The following PHF3 variants were observed in gnomAD, a reference collection of about 807,000 sequenced individuals.
The protein encoded by PHF3 is PHD finger protein 3.
PHF3 carries 41 observed loss-of-function variants against 178.4 expected under a neutral mutation model. The observed-to-expected ratio is 0.23, with a 90% CI of 0.18 to 0.30. PHF3 has a LOEUF of 0.30. PHF3 is among the 10% of genes least tolerant of loss of function. The pLI is 1.00. For synonymous variants in PHF3, 842 were observed against 800.5 expected, an observed-to-expected ratio of 1.05 and a Z score of -0.88; for missense variants, 2,346 against 2,398.1, an observed-to-expected ratio of 0.98 and a Z score of 0.45.
Position 63,691,872 on chromosome 6 carries a change from A to T in PHF3, c.2325A>T (p.Lys775Asn). 1 of 1,613,886 alleles carries T rather than the reference A, an allele frequency of 6.2e-7. No individual in the cohort carries two copies. The change falls in exon 5 of 16, where the codon AAA becomes AAT. Residue 775 changes from lysine to asparagine, a missense_variant. By Grantham distance (94) the Lys-to-Asn change is moderately conservative. This residue lies in a region of PHF3 where 252 missense variants were observed against 232.0 expected (regional missense o/e 1.09). Transcript: ENST00000262043. ...TAAAATGTTGTGCTGAAGAAGACAA[A>T]AAGACTGAAATACTAGATCCAGATA... Reference protein sequence around the residue: ...VCVKCCAEEDKKTEILDPDTL... With the variant: ...VCVKCCAEEDNKTEILDPDTL...
chr6:63,711,381 A>G lies in PHF3; in HGVS notation c.3997+19A>G, dbSNP rs1206183491. 2 of 1,567,398 alleles carry G rather than the reference A, an allele frequency of 1.3e-6. No individual in the cohort carries two copies. Among genetic ancestry groups the G allele is most frequent in the Non-Finnish European group, 1.7e-6 (2 of 1,150,970 alleles). On this transcript the variant is annotated intron_variant, in intron 15 of 15. Coordinates refer to ENST00000262043, the MANE Select transcript of PHF3 (RefSeq NM_001370348.2). ...GGACCTGGTAGGTATACGTTTTAATAATAGGATAAGAATGAAATAACATGG... is the reference window on the plus strand; with the variant it reads ...GGACCTGGTAGGTATACGTTTTAATGATAGGATAAGAATGAAATAACATGG...
Position 63,702,683 on chromosome 6 carries a change from T to C in PHF3, c.3231+44T>C, listed in dbSNP as rs115880825. ...TGTTTTATAGCTCAAAACATGAAGA[T>C]TCAGAAAAGGTTTATTTGCCTAATG... On this transcript the variant is annotated intron_variant, in intron 10 of 15. Transcript: ENST00000262043. 9,102 of 1,542,134 alleles carry C rather than the reference T, an allele frequency of 5.9e-3. 195 individuals are homozygous for C. Among genetic ancestry groups the C allele is most frequent in the South Asian group, 0.056 (4,440 of 79,756 alleles).
chr6:63,683,852 A>G (rs1766546785), intron 3 of PHF3, among the ~76,000 whole-genome samples: 1 of 152,092 alleles, frequency 6.6e-6, no homozygotes, highest in South Asian at 2.1e-4. Context: ...TTTGATGAAA[A>G]CATTTCTTTT....
At chr6:63,649,533 C>T (rs1287371280) in intron 2 of PHF3, among the ~76,000 whole-genome samples, 1 of 152,120 alleles carries the variant, frequency 6.6e-6, no homozygotes, top group Non-Finnish European at 1.5e-5. Flanking sequence ...TTATGATGAA[C>T]CAGGCTGGTT....
At chr6:63,642,251 A>G (rs540416893) in intron 1 of PHF3, among the ~76,000 whole-genome samples, 6 of 152,324 alleles carry the variant, frequency 3.9e-5, no homozygotes, top group Middle Eastern at 3.4e-3. Flanking sequence ...CCTCTGGACC[A>G]TTAGGATCCA....
At chr6:63,679,245 A>T (rs889288441) in intron 2 of PHF3, among the ~76,000 whole-genome samples, 3 of 152,082 alleles carry the variant, frequency 2.0e-5, no homozygotes, top group African/African-American at 7.2e-5. Context: ...TTCTACACAG[A>T]AATAAACCTA....
Position 63,712,218 on chromosome 6 carries a change from G to T in PHF3, c.4630G>T (p.Val1544Leu). The change falls in exon 16 of 16, where the codon GTA becomes TTA. Residue 1544 changes from valine (V) to leucine (L), a missense_variant. By Grantham distance (32) the Val-to-Leu change is conservative. Around this residue, in one of 8 missense-constraint regions of PHF3, gnomAD observed 839 missense variants for 806.9 expected, o/e 1.04. Transcript: ENST00000262043. Reference protein sequence around the residue: ...TDKSAEIETSVVGSSSISAGS... With the variant: ...TDKSAEIETSLVGSSSISAGS... Reference sequence around the variant, plus strand: ...TAAGTCAGCAGAAATAGAAACATCAGTAGTAGGGTCCTCTTCCATTTCTGC... The same window carrying T: ...TAAGTCAGCAGAAATAGAAACATCATTAGTAGGGTCCTCTTCCATTTCTGC... The T allele has an allele frequency of 6.2e-7, 1 of 1,614,036 alleles. No individual in the cohort carries two copies. Among genetic ancestry groups the T allele is most frequent in the Non-Finnish European group, 8.5e-7 (1 of 1,179,934 alleles).
intron 2 of PHF3, among the ~76,000 whole-genome samples, chr6:63,653,150 G>T (rs1250029154): frequency 7.3e-6 from 1 of 137,920 alleles, no homozygotes; most frequent in South Asian, 2.3e-4. Flanking sequence ...GATTATGTTG[G>T]CTAGTTTTTT....
intron 1 of PHF3, among the ~76,000 whole-genome samples, chr6:63,641,659 C>T (rs180721481): frequency 2.7e-5 from 4 of 149,372 alleles, no homozygotes; most frequent in African/African-American, 4.9e-5. Flanking sequence ...TTTTTCGAGA[C>T]GGAGTTTTGT....
At chr6:63,697,884 A>G (rs190997914) in intron 6 of PHF3, among the ~76,000 whole-genome samples, 1 of 152,348 alleles carries the variant, frequency 6.6e-6, no homozygotes, top group Non-Finnish European at 1.5e-5. Context: ...TAGTAAAACC[A>G]GAAGAGATTC....
intron 14 of PHF3, 25 bp downstream of exon 14, chr6:63,709,265 C>T (rs936923923): frequency 7.3e-7 from 1 of 1,365,234 alleles, no homozygotes; most frequent in Non-Finnish European, 1.0e-6. Context: ...TTTCACTATA[C>T]CAGCATGGGA....
At chr6:63,664,333 C>G (rs185274997) in intron 2 of PHF3, among the ~76,000 whole-genome samples, 1 of 152,194 alleles carries the variant, frequency 6.6e-6, no homozygotes, top group Non-Finnish European at 1.5e-5. Flanking sequence ...GTTCATAGAG[C>G]ATGATCATTT....
rs966341588 is a variant in PHF3, at chr6:63,714,599, A to G, written c.*891A>G. The G allele has an allele frequency of 6.6e-6, 1 of 152,458 alleles. No homozygotes were observed. The highest frequency in any genetic ancestry group is 2.4e-5 in the African/African-American group (1 of 41,428). 9.4% of individuals were successfully genotyped at this position (152,458 alleles called of 1,614,324 possible). A position where few individuals can be genotyped will look rare whatever the true frequency, so the allele number is the denominator to read the frequency against. On this transcript the variant is annotated 3_prime_UTR_variant, in exon 16 of 16. Transcript: ENST00000262043. ...CAGGCATTAGATGAGGGGAAAAACA[A>G]TTTTTTTAAAATCTTAAATTGTAGG...
intron 2 of PHF3, among the ~76,000 whole-genome samples, chr6:63,671,347 C>T (rs1409249362): frequency 1.3e-5 from 2 of 152,128 alleles, no homozygotes; most frequent in Non-Finnish European, 2.9e-5. Flanking sequence ...CTCATGGAGC[C>T]GGCAAGTATT....
intron 2 of PHF3, among the ~76,000 whole-genome samples, chr6:63,662,197 G>C (rs941397969): frequency 6.6e-6 from 1 of 152,062 alleles, no homozygotes; most frequent in Non-Finnish European, 1.5e-5. Flanking sequence ...CATGAAACTG[G>C]TCCCGGGTGC....
In PHF3 at chr6:63,723,157, C is replaced by CT. The variant is rs1295037886; in HGVS notation, c.*9455dup. On this transcript the variant is annotated 3_prime_UTR_variant, in exon 16 of 16. Coordinates refer to ENST00000262043, the MANE Select transcript of PHF3 (RefSeq NM_001370348.2). ...AATAGTTTTAGCTTGAAAGCAAAAA[C>CT]TTTTTTCCTATAATGACATGAAAAT... Among the ~76,000 whole-genome samples the CT allele has an allele frequency of 6.6e-6, 1 of 152,102 alleles. No individual in the cohort carries two copies. The highest frequency in any genetic ancestry group is 1.5e-5 in the Non-Finnish European group (1 of 67,996).
chr6:63,710,494 T>C (rs1767878602), intron 14 of PHF3, among the ~76,000 whole-genome samples: 1 of 152,162 alleles, frequency 6.6e-6, no homozygotes, highest in Admixed American at 6.5e-5. Context: ...TTCGGCCATA[T>C]ACCATCATGA....
intron 2 of PHF3, among the ~76,000 whole-genome samples, chr6:63,658,027 TTTC>T (rs1765310394): frequency 6.6e-6 from 1 of 152,200 alleles, no homozygotes; most frequent in South Asian, 2.1e-4. Flanking sequence ...AAGAAAATAC[TTTC>T]TCTTACTTTG....
intron 1 of PHF3, among the ~76,000 whole-genome samples, chr6:63,638,579 C>T (rs1764446502): frequency 6.6e-6 from 1 of 152,082 alleles, no homozygotes; most frequent in African/African-American, 2.4e-5. Context: ...ATTACCAATA[C>T]ATATTTCACC....
Sources: allele counts gnomAD v4.1 joint callset (sites outside exome capture counted in the v4.1 genomes callset), GRCh38; gene constraint gnomAD v4.1.1; regional missense constraint gnomAD v4.1.1; transcripts MANE v1.5; gene names NCBI Gene and HGNC (gene_info 2026-07-23, HGNC 2026-07-21).